Variants in IGDCC4 observed in about 807,000 individuals in gnomAD.
IGDCC4 encodes the protein likely ortholog of mouse neighbor of Punc E11.
In IGDCC4, 72 loss-of-function variants were observed where a neutral mutation model predicts 116.6. The ratio of observed to expected loss-of-function variants is 0.62; its 90% CI spans 0.51 to 0.75. IGDCC4 has a LOEUF of 0.75. Among genes scored for constraint, IGDCC4 ranks in the 30% least tolerant of loss-of-function variants. The pLI is 0.00. For synonymous variants in IGDCC4, 709 were observed against 719.9 expected (o/e 0.98, Z 0.24); for missense variants, 1,501 against 1,662.4 (o/e 0.90, Z 1.69).
rs1279850246 is a variant in IGDCC4 at position 65,402,401 on chromosome 15, G to T, written c.650C>A (p.Ser217Ter). The T allele has an allele frequency of 3.2e-6, 5 of 1,572,240 alleles. No individual in the cohort carries two copies. The highest frequency in any genetic ancestry group is 4.3e-6 in the Non-Finnish European group (5 of 1,157,990). Residue 217 changes from serine to a stop codon, truncating the protein, a stop_gained, in exon 4 of 20, where the codon TCA becomes TAA. Transcript: ENST00000352385. LOFTEE classifies it high-confidence loss of function. ...AGPYRCVATN[S>*]ARQHFSQEAL... ...CTCCTGGCTGAAGTGCTGGCGAGCT[G>T]AGTTGGTGGCCACGCAGCGGTAGGG...
Position 65,393,187 on chromosome 15 carries a change from C to T in IGDCC4, c.1885+174G>A, listed in dbSNP as rs2062883545. On this transcript the variant is annotated intron_variant, in intron 10 of 19. Coordinates refer to ENST00000352385, the MANE Select transcript of IGDCC4 (RefSeq NM_020962.3). This position sits in a 1 kb window ranked among gnomAD's most constrained non-coding sequence, Gnocchi z 4.6. ...GTCACACAGCAAATCGAAGGGACAC[C>T]AGATCCCAGCCCTTCACCTCTGCAC... 6.6e-6 allele frequency among the ~76,000 whole-genome samples: 1 copy of T among 152,144 alleles called. No homozygotes were observed. Among genetic ancestry groups the T allele is most frequent in the South Asian group, 2.1e-4 (1 of 4,828 alleles).
chr15:65,396,568 C>T (rs1434474019), intron 6 of IGDCC4: 2 of 582,448 alleles, frequency 3.4e-6, no homozygotes, highest in African/African-American at 1.9e-5. Flanking sequence ...CCCACAATAA[C>T]CCCAGTCACA....
intron 6 of IGDCC4, 45 bp downstream of exon 6, chr15:65,396,789 C>A: frequency 6.5e-7 from 1 of 1,544,902 alleles, no homozygotes; most frequent in African/African-American, 1.4e-5. Flanking sequence ...TCTATTCACC[C>A]CAGCCCCAGC....
chr15:65,396,222 C>CA, intron 6 of IGDCC4, 59 bp from the exon 7 acceptor site: 1 of 1,294,690 alleles, frequency 7.7e-7, no homozygotes, highest in South Asian at 1.7e-5. Flanking sequence ...CTCTGCCCCC[C>CA]CCCCAGTACC....
chr15:65,391,968 C>T lies in IGDCC4; in HGVS notation c.2136G>A (p.Leu712=), dbSNP rs1302215364. The change falls in exon 12 of 20, where the codon CTG becomes CTA. Residue 712 remains leucine, a synonymous_variant. Transcript: ENST00000352385. ...YELTQLVPGR[L]YEVKLVAFNK... is the part of the protein sequence containing the mutation. The stretch of plus-strand genomic sequence containing the variant: ...TGAAAGCCACGAGCTTCACCTCGTA[C>T]AGCCGGCCAGGGACTGGGGAAGGTT... 6.2e-7 allele frequency: 1 copy of T among 1,611,266 alleles called. No homozygotes were observed. The highest frequency in any genetic ancestry group is 2.2e-5 in the East Asian group (1 of 44,818).
At chr15:65,385,381 G>A (rs1189411577) in intron 18 of IGDCC4, 8 of 554,006 alleles carry the variant, frequency 1.4e-5, no homozygotes, top group Admixed American at 3.5e-5. Context: ...GGGAGAGGGT[G>A]AGGGAGGACG....
chr15:65,402,247 T>C, intron 4 of IGDCC4, 104 bp downstream of exon 4: 1 of 1,316,522 alleles, frequency 7.6e-7, no homozygotes, highest in Non-Finnish European at 1.0e-6. Context: ...CTAACATTTA[T>C]CACCTACTTG....
In IGDCC4 at chr15:65,385,923, A is replaced by G; in HGVS notation, c.3088T>C (p.Ser1030Pro). 1 of 1,607,232 alleles carries G rather than the reference A, an allele frequency of 6.2e-7. No homozygotes were observed. Among genetic ancestry groups the G allele is most frequent in the African/African-American group, 1.3e-5 (1 of 74,264 alleles). The change falls in exon 18 of 20, where the codon TCC becomes CCC. Residue 1030 changes from serine (S) to proline (P), a missense_variant. Transcript: ENST00000352385. Reference sequence around the variant, plus strand: ...TCCTCCACGTCTGAGGGTGGCGGGGACCAGTCCTGGGGATGGGGGTGCACA... The same window carrying G: ...TCCTCCACGTCTGAGGGTGGCGGGGGCCAGTCCTGGGGATGGGGGTGCACA... ...SLVHPHPQDW[S>P]PPPSDVEDRA...
At chr15:65,401,551 C>G (rs1018468413) in intron 4 of IGDCC4, among the ~76,000 whole-genome samples, 1 of 151,904 alleles carries the variant, frequency 6.6e-6, no homozygotes, top group African/African-American at 2.4e-5. Context: ...AGACTGGGAG[C>G]AGCCTACCAG....
Position 65,390,352 on chromosome 15 carries a change from A to C in IGDCC4, c.2225-14T>G. ...GGATAGGCATGTCTGAAAGGTGAAA[A>C]CTAGAGTGTGAGGAAGGGAGGGAGG... On this transcript the variant is annotated splice_polypyrimidine_tract_variant and intron_variant, in intron 12 of 19. Coordinates refer to ENST00000352385, the MANE Select transcript of IGDCC4 (RefSeq NM_020962.3). The C allele has an allele frequency of 6.4e-7, 1 of 1,573,900 alleles. No individual in the cohort carries two copies. The highest frequency in any genetic ancestry group is 8.7e-7 in the Non-Finnish European group (1 of 1,150,140).
chr15:65,388,800 G>C lies in IGDCC4; in HGVS notation c.2707+8C>G. ...CTTGAGCAGATGCCCTGGGGCAGGAGCCCTCACCCTGCGTGGTGAGCAAGG... is the reference window on the plus strand; with the variant it reads ...CTTGAGCAGATGCCCTGGGGCAGGACCCCTCACCCTGCGTGGTGAGCAAGG... On this transcript the variant is annotated splice_region_variant and intron_variant, in intron 15 of 19. Coordinates refer to ENST00000352385, the MANE Select transcript of IGDCC4 (RefSeq NM_020962.3). The C allele has an allele frequency of 6.2e-7, 1 of 1,613,832 alleles. No individual in the cohort carries two copies. The highest frequency in any genetic ancestry group is 1.3e-5 in the African/African-American group (1 of 75,064).
chr15:65,399,926 T>C (rs941111408), intron 5 of IGDCC4, among the ~76,000 whole-genome samples: 2 of 152,142 alleles, frequency 1.3e-5, no homozygotes, highest in South Asian at 2.1e-4. Context: ...TAACAACAAA[T>C]GGAAATAAAA....
intron 3 of IGDCC4, among the ~76,000 whole-genome samples, chr15:65,403,169 G>A (rs1000719280): frequency 3.9e-5 from 6 of 152,226 alleles, no homozygotes; most frequent in African/African-American, 1.4e-4. Flanking sequence ...CATCTGCAGG[G>A]TGGGAACTGG....
rs1477944249 is a variant in IGDCC4 at position 65,384,161 on chromosome 15, G to T, written c.3601C>A (p.Pro1201Thr). ...APGPDRLTCL[P>T]EAASASCSYP... The stretch of plus-strand genomic sequence containing the variant: ...GAGCAGGAAGCACTGGCTGCCTCTG[G>T]CAAGCAGGTAAGTCTGTCTGGCCCG... The change falls in exon 20 of 20, where the codon CCA (proline) becomes ACA (threonine). Residue 1201 changes from proline to threonine, a missense_variant. Physicochemically the swap from Pro to Thr is conservative, Grantham distance 38. Transcript: ENST00000352385. This position sits in a 1 kb window ranked among gnomAD's most constrained non-coding sequence, Gnocchi z 4.9. 1 of 1,613,664 alleles carries T rather than the reference G, an allele frequency of 6.2e-7. No homozygotes were observed. Among genetic ancestry groups the T allele is most frequent in the Non-Finnish European group, 8.5e-7 (1 of 1,179,866 alleles).
intron 18 of IGDCC4, 83 bp downstream of exon 18, chr15:65,385,748 A>C: frequency 8.9e-7 from 1 of 1,128,876 alleles, no homozygotes. Flanking sequence ...AGGTAGAGCC[A>C]TGCTCGCATA....
chr15:65,409,951 C>T (rs1339827197), intron 3 of IGDCC4, among the ~76,000 whole-genome samples: 1 of 152,198 alleles, frequency 6.6e-6, no homozygotes, highest in African/African-American at 2.4e-5. Flanking sequence ...TACTACTACA[C>T]CTACCCAGGC....
chr15:65,388,168 T>C (rs1255183470), intron 16 of IGDCC4, among the ~76,000 whole-genome samples: 4 of 149,724 alleles, frequency 2.7e-5, no homozygotes, highest in Non-Finnish European at 4.4e-5. Flanking sequence ...CGCTTGAACC[T>C]GGGAGGCGGA....
chr15:65,396,479 G>A, intron 6 of IGDCC4: 1 of 567,896 alleles, frequency 1.8e-6, no homozygotes, highest in Non-Finnish European at 3.2e-6. Flanking sequence ...CTTCCTCCCT[G>A]CCCTCCCATA....
At chr15:65,414,044 T>C (rs1332807753) in intron 1 of IGDCC4, among the ~76,000 whole-genome samples, 1 of 152,210 alleles carries the variant, frequency 6.6e-6, no homozygotes, top group Non-Finnish European at 1.5e-5. Flanking sequence ...TCTGCACTCC[T>C]AAACACATGC....
Sources: allele counts gnomAD v4.1 joint callset (sites outside exome capture counted in the v4.1 genomes callset), GRCh38; gene constraint gnomAD v4.1.1; non-coding constraint Gnocchi (gnomAD v3.1); transcripts MANE v1.5; gene names NCBI Gene and HGNC (gene_info 2026-07-23, HGNC 2026-07-21).